The following RNF128 variants were observed in gnomAD, a reference collection of about 807,000 sequenced individuals.
RNF128 encodes ring finger protein 128, also known as E3 ubiquitin-protein ligase RNF128.
A neutral mutation model predicts 26.2 loss-of-function variants in RNF128; 13 were observed. The ratio of observed to expected loss-of-function variants is 0.50; its 90% confidence interval spans 0.32 to 0.79. The LOEUF (loss-of-function observed/expected upper bound fraction) is 0.79. RNF128 is among the 30% of genes least tolerant of loss of function. The probability of loss-of-function intolerance (pLI) is 0.03; values close to 1 mark genes in which losing one functional copy is unlikely to be tolerated. For synonymous variants in RNF128, 149 were observed against 142.5 expected, an observed-to-expected ratio of 1.05 and a Z score of -0.32; for missense variants, 315 against 349.7, an observed-to-expected ratio of 0.90 and a Z score of 0.79.
Position 106,750,339 on chromosome X carries a change from C to G in RNF128, c.485-22574C>G, listed in dbSNP as rs1929861192. 7.1e-5 allele frequency among the ~76,000 whole-genome samples: 8 copies of G among 112,054 alleles called. No homozygotes were observed. The South Asian group carries it at 3.0e-3, about 42-fold the overall frequency. On this transcript the variant is annotated intron_variant, in intron 1 of 6. Transcript: ENST00000255499. ...CAGCTTTAGGTTTCATTGAAGATAACTAGTGTAGAATGGTGAAGAGCAGAG... is the reference window on the plus strand; with the variant it reads ...CAGCTTTAGGTTTCATTGAAGATAAGTAGTGTAGAATGGTGAAGAGCAGAG...
intron 1 of RNF128, among the ~76,000 whole-genome samples, chrX:106,772,015 C>T (rs1308647630): frequency 1.8e-5 from 2 of 112,113 alleles, no homozygotes; most frequent in East Asian, 5.6e-4. Flanking sequence ...TCAATAAGTG[C>T]TCTTCTTTTG....
At chrX:106,710,383 T>C (rs747291820) in intron 1 of RNF128, among the ~76,000 whole-genome samples, 1 of 112,269 alleles carries the variant, frequency 8.9e-6, no homozygotes, top group African/African-American at 3.2e-5. Context: ...GAACTACAGT[T>C]TATTGAGGAT....
chrX:106,753,692 C>G (rs1929943335), intron 1 of RNF128, among the ~76,000 whole-genome samples: 1 of 111,628 alleles, frequency 9.0e-6, no homozygotes, highest in Non-Finnish European at 1.9e-5. Context: ...CCCCAACTAG[C>G]TGCCATCCTT....
chrX:106,729,176 C>G (rs911889020), intron 1 of RNF128, among the ~76,000 whole-genome samples: 1 of 111,320 alleles, frequency 9.0e-6, no homozygotes, highest in Non-Finnish European at 1.9e-5. Flanking sequence ...TTAACTTTTG[C>G]TTGGCTCCCA....
intron 1 of RNF128, among the ~76,000 whole-genome samples, chrX:106,751,738 A>G (rs1244501715): frequency 1.8e-5 from 2 of 110,325 alleles, no homozygotes; most frequent in Non-Finnish European, 3.8e-5. Flanking sequence ...CAGGCCCTAG[A>G]TCCTGGATGA....
chrX:106,763,772 G>C (rs982595360), intron 1 of RNF128, among the ~76,000 whole-genome samples: 1 of 111,496 alleles, frequency 9.0e-6, no homozygotes, highest in African/African-American at 3.3e-5. Context: ...GCCTCCCAAA[G>C]TGCTGGAATT....
chrX:106,706,011 C>G (rs1002646422), intron 1 of RNF128, among the ~76,000 whole-genome samples: 4 of 111,506 alleles, frequency 3.6e-5, no homozygotes, highest in Non-Finnish European at 7.5e-5. Flanking sequence ...TGTTCATTAC[C>G]TCAATAAGGG....
chrX:106,724,263 C>T (rs1249306833), upstream of RNF128, among the ~76,000 whole-genome samples: 1 of 111,260 alleles, frequency 9.0e-6, no homozygotes, highest in Non-Finnish European at 1.9e-5. Flanking sequence ...GCCCACTTCT[C>T]TTCATGTCCA....
chrX:106,702,628 C>A (rs1271006960), intron 1 of RNF128, among the ~76,000 whole-genome samples: 1 of 112,133 alleles, frequency 8.9e-6, no homozygotes, highest in African/African-American at 3.2e-5. Context: ...CAAATTATAT[C>A]TGTTTCTGTC....
intron 1 of RNF128, among the ~76,000 whole-genome samples, chrX:106,759,368 A>G (rs1930080932): frequency 9.0e-6 from 1 of 111,720 alleles, no homozygotes; most frequent in South Asian, 3.8e-4. Flanking sequence ...ATGTAGAACA[A>G]TATGGAGGTT....
intron 1 of RNF128, among the ~76,000 whole-genome samples, chrX:106,732,540 T>C (rs1042911072): frequency 9.0e-6 from 1 of 111,472 alleles, no homozygotes; most frequent in African/African-American, 3.3e-5. Context: ...CATCGAGCAT[T>C]TATCAAAGGT....
chrX:106,777,640 AAAG>A (rs1930489089), intron 2 of RNF128, among the ~76,000 whole-genome samples: 1 of 111,986 alleles, frequency 8.9e-6, no homozygotes, highest in Non-Finnish European at 1.9e-5. Context: ...GAATGTGAAG[AAAG>A]AAGGATGGAG....
chrX:106,726,088 A>C (rs1929387263), upstream of RNF128, among the ~76,000 whole-genome samples: 1 of 112,636 alleles, frequency 8.9e-6, no homozygotes, highest in South Asian at 3.7e-4. Context: ...GTGTGAAAAC[A>C]GTCATTCTTT....
intron 1 of RNF128, among the ~76,000 whole-genome samples, chrX:106,748,519 T>C (rs1929825204): frequency 8.9e-6 from 1 of 112,011 alleles, no homozygotes; most frequent in Admixed American, 9.5e-5. Context: ...AGCCAAGATA[T>C]GGAATCAGTC....
At chrX:106,754,410 C>CTCTTTT (rs1929959719) in intron 1 of RNF128, among the ~76,000 whole-genome samples, 1 of 35,746 alleles carries the variant, frequency 2.8e-5, no homozygotes, top group African/African-American at 1.3e-4. Context: ...TTTTCTTTCT[C>CTCTTTT]TTTTTTTTTT....
chrX:106,788,624 AT>A (rs773763344), intron 4 of RNF128, among the ~76,000 whole-genome samples: 3,065 of 62,817 alleles, frequency 0.049, 272 homozygotes, highest in African/African-American at 0.2. Context: ...TATATTATAT[AT>A]ACTATATAAT....
intron 1 of RNF128, among the ~76,000 whole-genome samples, chrX:106,696,007 A>G (rs1457615012): frequency 4.5e-5 from 5 of 111,862 alleles, no homozygotes; most frequent in Non-Finnish European, 9.4e-5. Context: ...ACATGTGCAT[A>G]ATCATTTGAA....
At chrX:106,710,551 G>A (rs1370048941) in intron 1 of RNF128, among the ~76,000 whole-genome samples, 5 of 110,106 alleles carry the variant, frequency 4.5e-5, no homozygotes, top group African/African-American at 1.7e-4. Flanking sequence ...TGAGGTCAGG[G>A]GTTTGAGACC....
chrX:106,736,285 T>C (rs1315352036), intron 1 of RNF128, among the ~76,000 whole-genome samples: 1 of 111,998 alleles, frequency 8.9e-6, no homozygotes, highest in Non-Finnish European at 1.9e-5. Context: ...TATTCAGCTA[T>C]ATAAAATTCC....
Sources: gnomAD v4.1 joint callset for allele counts (sites outside exome capture counted in the v4.1 genomes callset) on GRCh38, gnomAD v4.1.1 for gene constraint, MANE v1.5 for transcripts, NCBI Gene and HGNC (gene_info 2026-07-23, HGNC 2026-07-21) for gene names.